The following IFT57 variants were observed in gnomAD, a reference collection of about 807,000 sequenced individuals.
IFT57 encodes the protein intraflagellar transport protein 57 homolog.
A neutral mutation model predicts 56.8 loss-of-function variants in IFT57; 59 were observed. That is an observed-to-expected ratio of 1.04 (90% confidence interval 0.84 to 1.29). The LOEUF (loss-of-function observed/expected upper bound fraction) is 1.29, where lower values mean the gene tolerates loss of function less well. Among genes scored for constraint, IFT57 ranks in the 50% most tolerant of loss-of-function variants. The probability of loss-of-function intolerance (pLI) is 0.00; values close to 1 mark genes in which losing one functional copy is unlikely to be tolerated. For synonymous variants in IFT57, 209 were observed against 186.1 expected (o/e 1.12, Z -1.00); for missense variants, 470 against 522.1 (o/e 0.90, Z 0.97).
rs1217642054 is a variant in IFT57, at chr3:108,163,658, C to T, written c.1111+5G>A. Reference sequence around the variant, plus strand: ...GTTTTTCCCCTAAAATGAGCATGTACTTACCACCATCAGTCATGCTGCTGC... The same window carrying T: ...GTTTTTCCCCTAAAATGAGCATGTATTTACCACCATCAGTCATGCTGCTGC... On this transcript the variant is annotated splice_donor_5th_base_variant and intron_variant, in intron 10 of 10. Transcript: ENST00000264538. 1.9e-5 allele frequency: 31 copies of T among 1,604,768 alleles called. No individual in the cohort carries two copies. Among genetic ancestry groups the T allele is most frequent in the Non-Finnish European group, 2.6e-5 (30 of 1,172,438 alleles).
chr3:108,216,092 A>G (rs995794522), intron 3 of IFT57, among the ~76,000 whole-genome samples: 3 of 152,174 alleles, frequency 2.0e-5, no homozygotes, highest in African/African-American at 2.4e-5. Flanking sequence ...TTTGGATAAG[A>G]CCTCAAAAGC....
At chr3:108,183,295 AAAC>A (rs1408260956) in intron 6 of IFT57, among the ~76,000 whole-genome samples, 1 of 152,152 alleles carries the variant, frequency 6.6e-6, no homozygotes, top group Admixed American at 6.6e-5. Flanking sequence ...TTGTACAAAT[AAAC>A]AACAGACAAC....
At position 108,205,688 on chromosome 3, in the gene IFT57, G is replaced by A. The variant is rs1446283894; in HGVS notation, c.654+940C>T. 2.7e-5 allele frequency among the ~76,000 whole-genome samples: 4 copies of A among 147,736 alleles called. No individual in the cohort carries two copies. The Admixed American group carries it at 2.8e-4, about 10-fold the overall frequency. On this transcript the variant is annotated intron_variant, in intron 5 of 10. Transcript: ENST00000264538. ...AGAAAAATTAAATAAAGGACTAATA[G>A]AGCATTACTTTCCATATGTACTTTT...
intron 6 of IFT57, among the ~76,000 whole-genome samples, chr3:108,185,876 A>G (rs2080179060): frequency 6.6e-6 from 1 of 152,112 alleles, no homozygotes; most frequent in African/African-American, 2.4e-5. Context: ...GACTGGTTCC[A>G]TCGATGCTTT....
chr3:108,185,635 C>T (rs113447398), intron 6 of IFT57, among the ~76,000 whole-genome samples: 5 of 137,596 alleles, frequency 3.6e-5, no homozygotes, highest in South Asian at 2.3e-4. Flanking sequence ...CTCAGCTCAT[C>T]GCAACCTCCC....
chr3:108,216,817 T>C lies in IFT57; in HGVS notation c.494+1718A>G, dbSNP rs143639701. Among the ~76,000 whole-genome samples the C allele has an allele frequency of 1.6e-4, 25 of 152,312 alleles. No homozygotes were observed. The South Asian group carries it at 2.7e-3, about 16-fold the overall frequency. Reference sequence around the variant, plus strand: ...AAAGAGAATGCAATTCTGTCATTTGTAGCAACCTGTATAAGCATGGAGGAC... The same window carrying C: ...AAAGAGAATGCAATTCTGTCATTTGCAGCAACCTGTATAAGCATGGAGGAC... On this transcript the variant is annotated intron_variant, in intron 3 of 10. Transcript: ENST00000264538.
At chr3:108,181,124 T>A (rs897288425) in intron 6 of IFT57, among the ~76,000 whole-genome samples, 2 of 152,038 alleles carry the variant, frequency 1.3e-5, no homozygotes, top group Non-Finnish European at 2.9e-5. Context: ...AACGGAACCT[T>A]TCTCTGATCC....
intron 5 of IFT57, among the ~76,000 whole-genome samples, chr3:108,202,233 G>A (rs1377275): frequency 0.096 from 14,616 of 152,202 alleles, 758 homozygotes; most frequent in Middle Eastern, 0.12. Context: ...GGCTGTTGCC[G>A]TGATTCTGTT....
At chr3:108,198,431 C>CGTGT (rs1385821679) in intron 5 of IFT57, among the ~76,000 whole-genome samples, 1 of 151,882 alleles carries the variant, frequency 6.6e-6, no homozygotes, top group African/African-American at 2.4e-5. Flanking sequence ...TTGGTGTGTG[C>CGTGT]GTGTGTGTGT....
intron 3 of IFT57, 38 bp downstream of exon 3, chr3:108,218,497 C>G: frequency 1.1e-6 from 1 of 888,768 alleles, no homozygotes. Flanking sequence ...AAATGCTATG[C>G]CCATAAAATT....
At chr3:108,200,955 G>GT (rs1416446989) in intron 5 of IFT57, among the ~76,000 whole-genome samples, 3 of 152,146 alleles carry the variant, frequency 2.0e-5, no homozygotes, top group Admixed American at 6.5e-5. Context: ...TCTAGGAAAG[G>GT]TAAAAAATTA....
At chr3:108,167,681 G>A in intron 7 of IFT57, 112 bp downstream of exon 7, 1 of 560,320 alleles carries the variant, frequency 1.8e-6, no homozygotes, top group Non-Finnish European at 3.0e-6. Context: ...CATTCAATTA[G>A]TAAGTTCCTT....
intron 4 of IFT57, among the ~76,000 whole-genome samples, chr3:108,211,837 A>C (rs1389591379): frequency 6.6e-6 from 1 of 152,216 alleles, no homozygotes. Flanking sequence ...CCTACCCATA[A>C]TTAATGCTAA....
At chr3:108,204,988 G>C (rs1223411425) in intron 5 of IFT57, among the ~76,000 whole-genome samples, 1 of 152,056 alleles carries the variant, frequency 6.6e-6, no homozygotes, top group Non-Finnish European at 1.5e-5. Flanking sequence ...GATATAACTG[G>C]AGTTTAGATT....
At chr3:108,219,906 T>A (rs1040716232) in intron 1 of IFT57, among the ~76,000 whole-genome samples, 8 of 152,228 alleles carry the variant, frequency 5.3e-5, no homozygotes, top group Admixed American at 3.3e-4. Context: ...AAGTACCTTA[T>A]GAATGAAAAT....
At chr3:108,169,662 A>G (rs1451042956) in intron 6 of IFT57, among the ~76,000 whole-genome samples, 1 of 151,974 alleles carries the variant, frequency 6.6e-6, no homozygotes, top group Non-Finnish European at 1.5e-5. Flanking sequence ...TAATTTTTGT[A>G]TAAGGTGTAA....
chr3:108,196,307 T>G (rs1181900205), intron 5 of IFT57, among the ~76,000 whole-genome samples: 1 of 152,030 alleles, frequency 6.6e-6, no homozygotes, highest in East Asian at 1.9e-4. Flanking sequence ...AGATTGAAGT[T>G]CAGAATCACC....
intron 6 of IFT57, among the ~76,000 whole-genome samples, chr3:108,184,850 G>C (rs1262696529): frequency 1.3e-5 from 2 of 152,088 alleles, no homozygotes; most frequent in African/African-American, 4.8e-5. Flanking sequence ...CATGTTTAGT[G>C]CAATATCTTC....
chr3:108,218,845 CT>C (rs1191028167), intron 2 of IFT57, among the ~76,000 whole-genome samples, 192 bp from the exon 3 acceptor site: 1 of 152,084 alleles, frequency 6.6e-6, no homozygotes, highest in East Asian at 1.9e-4. Context: ...TACTCAAAGA[CT>C]TTTATTGTTA....
Sources: gnomAD v4.1 joint callset for allele counts (sites outside exome capture counted in the v4.1 genomes callset) on GRCh38, gnomAD v4.1.1 for gene constraint, MANE v1.5 for transcripts, NCBI Gene and HGNC (gene_info 2026-07-23, HGNC 2026-07-21) for gene names.